RBCK1: variants seen among roughly 807,000 people sequenced by gnomAD.
The protein encoded by RBCK1 is RANBP2-type and C3HC4-type zinc finger containing 1.
In RBCK1, 44 loss-of-function variants were observed where a neutral mutation model predicts 71.1. The ratio of observed to expected loss-of-function variants is 0.62; its 90% CI spans 0.49 to 0.80. RBCK1 has a LOEUF of 0.80. Ranked by LOEUF, RBCK1 falls within the 30% of genes least tolerant of loss-of-function variation. RBCK1 has a pLI of 0.00. For missense variants in RBCK1, 569 were observed against 685.0 expected, an observed-to-expected ratio of 0.83 and a Z score of 1.89; for synonymous variants, 306 against 279.7, an observed-to-expected ratio of 1.09 and a Z score of -0.94.
In RBCK1 at chr20:428,180, A is replaced by AG. The variant is rs2016835401; in HGVS notation, c.1210-307dup. Among the ~76,000 whole-genome samples, 1 of 152,168 alleles carries AG rather than the reference A, an allele frequency of 6.6e-6. No homozygotes were observed. The highest frequency in any genetic ancestry group is 1.5e-5 in the Non-Finnish European group (1 of 68,014). On this transcript the variant is annotated intron_variant, in intron 9 of 11. Transcript: ENST00000356286. This position sits in a 1 kb window ranked among gnomAD's most constrained non-coding sequence, Gnocchi z 5.7. Reference sequence around the variant, plus strand: ...TGTTAGGGATGCAGGGTCTCACCCTAGGGGTATAAGGGATTTCTGTGCCCA... The same window carrying AG: ...TGTTAGGGATGCAGGGTCTCACCCTAGGGGGTATAAGGGATTTCTGTGCCCA...
chr20:429,109 G>A lies in RBCK1; in HGVS notation c.1452+15G>A, dbSNP rs569310074. ...GGGGCCCTGGGGTGAGTCTTTGCTCGTGGTGGTGTGGAGAGGGTGCCCTTG... is the reference window on the plus strand; with the variant it reads ...GGGGCCCTGGGGTGAGTCTTTGCTCATGGTGGTGTGGAGAGGGTGCCCTTG... On this transcript the variant is annotated intron_variant, in intron 11 of 11. Transcript: ENST00000356286. 9.5e-5 allele frequency: 152 copies of A among 1,604,806 alleles called. No homozygotes were observed. In the South Asian group the frequency reaches 1.1e-3, roughly 11 times the overall value.
chr20:422,226 G>A lies in RBCK1; in HGVS notation c.1017G>A (p.Arg339=), dbSNP rs2122282701. The change falls in exon 8 of 12, where the codon AGG becomes AGA. Residue 339 remains arginine (R), a synonymous_variant. Transcript: ENST00000356286. This position sits in a 1 kb window ranked among gnomAD's most constrained non-coding sequence, Gnocchi z 5.0. ...CGTGCTCGGGCAAGCTGCTGGAGAG[G>A]GAGATCAAGGCGGTAAGGCCTCAGG... The part of the protein sequence containing the change: ...TYSCSGKLLE[R]EIKALLTPED... The A allele has an allele frequency of 6.2e-7, 1 of 1,613,498 alleles. No individual in the cohort carries two copies. Among genetic ancestry groups the A allele is most frequent in the Non-Finnish European group, 8.5e-7 (1 of 1,179,898 alleles).
chr20:427,343 C>T lies in RBCK1; in HGVS notation c.1060C>T (p.Leu354=). The change falls in exon 9 of 12, where the codon CTA becomes TTA. Residue 354 remains leucine, a synonymous_variant. Coordinates refer to ENST00000356286, the MANE Select transcript of RBCK1 (RefSeq NM_031229.4). ...GACCCCTGAGGATTACCAGCGATTT[C>T]TAGACCTGGGCATCTCCATTGCTGA... ...LLTPEDYQRF[L]DLGISIAENR... 1 of 1,614,164 alleles carries T rather than the reference C, an allele frequency of 6.2e-7. No homozygotes were observed. Among genetic ancestry groups the T allele is most frequent in the Non-Finnish European group, 8.5e-7 (1 of 1,180,020 alleles).
chr20:411,969 G>A lies in RBCK1; in HGVS notation c.167+1944G>A, dbSNP rs1359283838. ...ACATTTGTGTCCAACTTTTTGTGTGGACACGTTTTCATTTCTCTTGGATAC... is the reference window on the plus strand; with the variant it reads ...ACATTTGTGTCCAACTTTTTGTGTGAACACGTTTTCATTTCTCTTGGATAC... On this transcript the variant is annotated intron_variant, in intron 2 of 11. Coordinates refer to ENST00000356286, the MANE Select transcript of RBCK1 (RefSeq NM_031229.4). Among the ~76,000 whole-genome samples the A allele has an allele frequency of 3.3e-5, 5 of 152,278 alleles. No homozygotes were observed. In the East Asian group the frequency reaches 7.7e-4, roughly 23 times the overall value.
In RBCK1 at chr20:417,649, G is replaced by A. The variant is rs540263731; in HGVS notation, c.261+30G>A. On this transcript the variant is annotated intron_variant, in intron 3 of 11. Transcript: ENST00000356286. This position sits in a 1 kb window ranked among gnomAD's most constrained non-coding sequence, Gnocchi z 4.7. ...GTGAGGAGGCGGAGGGCGACACTGG[G>A]GTGAAGGCTCTCCCTTTCACTCCTG... 5 of 1,607,610 alleles carry A rather than the reference G, an allele frequency of 3.1e-6. No homozygotes were observed. The highest frequency in any genetic ancestry group is 2.2e-5 in the East Asian group (1 of 44,694).
Position 420,955 on chromosome 20 carries a change from G to A in RBCK1, c.841G>A (p.Glu281Lys), listed in dbSNP as rs1273374922. ...CCTGGTGCTGAACACGGAGCCCGCC[G>A]AGTGCCCCGTGTGCTACTCGGTGCT... Reference protein sequence around the residue: ...RSLVLNTEPAECPVCYSVLAP... With the variant: ...RSLVLNTEPAKCPVCYSVLAP... The change falls in exon 7 of 12, where the codon GAG becomes AAG. Residue 281 changes from glutamate to lysine, a missense_variant. By Grantham distance (56) the Glu-to-Lys change is moderately conservative (BLOSUM62 1). Around this residue, in one of 2 missense-constraint regions of RBCK1, gnomAD observed 358 missense variants for 375.6 expected, o/e 0.95. Coordinates refer to ENST00000356286, the MANE Select transcript of RBCK1 (RefSeq NM_031229.4). 8 of 1,557,856 alleles carry A rather than the reference G, an allele frequency of 5.1e-6. No individual in the cohort carries two copies. Among genetic ancestry groups the A allele is most frequent in the South Asian group, 1.2e-5 (1 of 84,694 alleles).
intron 4 of RBCK1, 99 bp downstream of exon 4, chr20:418,029 G>T: frequency 1.6e-6 from 2 of 1,249,054 alleles, no homozygotes; most frequent in South Asian, 1.5e-5. Context: ...TTTTTAGTCA[G>T]GGACTCACCC....
chr20:419,343 A>G lies in RBCK1; in HGVS notation c.461-4A>G, dbSNP rs371854549. On this transcript the variant is annotated splice_polypyrimidine_tract_variant and splice_region_variant and intron_variant, in intron 4 of 11. Transcript: ENST00000356286. Reference sequence around the variant, plus strand: ...AACCACCACCCTTTAACCCTCCTCCACAGATCTGGGCTTCAAGGACCTCAC... The same window carrying G: ...AACCACCACCCTTTAACCCTCCTCCGCAGATCTGGGCTTCAAGGACCTCAC... 2.9e-5 allele frequency: 47 copies of G among 1,611,786 alleles called. No homozygotes were observed. In the African/African-American group the frequency reaches 5.7e-4, roughly 20 times the overall value.
At chr20:410,662 A>G (rs1374835797) in intron 2 of RBCK1, 2 of 708,860 alleles carry the variant, frequency 2.8e-6, no homozygotes, top group Non-Finnish European at 5.2e-6. Flanking sequence ...GAGAATGGAT[A>G]CTGTCGGTCT....
chr20:428,890 A>G lies in RBCK1; in HGVS notation c.1309-61A>G. 6.5e-7 allele frequency: 1 copy of G among 1,530,670 alleles called. No individual in the cohort carries two copies. Among genetic ancestry groups the G allele is most frequent in the Non-Finnish European group, 8.7e-7 (1 of 1,146,534 alleles). 94.8% of individuals were successfully genotyped at this position (1,530,670 alleles called of 1,614,324 possible). ...TCACCACCTTCTCCCTGCCATGGGG[A>G]GGGGCCAGGCTGGGTGACTGCCCCA... On this transcript the variant is annotated intron_variant, in intron 10 of 11. Coordinates refer to ENST00000356286, the MANE Select transcript of RBCK1 (RefSeq NM_031229.4). The surrounding 1 kb of genome is among the most constrained non-coding windows in gnomAD (Gnocchi z 5.7).
At chr20:423,650 C>T (rs2016558795) in intron 8 of RBCK1, among the ~76,000 whole-genome samples, 1 of 152,102 alleles carries the variant, frequency 6.6e-6, no homozygotes, top group Non-Finnish European at 1.5e-5. Flanking sequence ...TATGCAAATA[C>T]TGCACTATTT....
In RBCK1 at chr20:411,488, T is replaced by C. The variant is rs528042249; in HGVS notation, c.167+1463T>C. ...GTTCACGCCATTCTCCTGCCTCAGC[T>C]TCCCGAGTAGCTGGGACTACAGGCG... On this transcript the variant is annotated intron_variant, in intron 2 of 11. Transcript: ENST00000356286. Among the ~76,000 whole-genome samples the C allele has an allele frequency of 9.5e-4, 144 of 152,192 alleles. No individual in the cohort carries two copies. In the Middle Eastern group the frequency reaches 0.024, roughly 25 times the overall value.
In RBCK1 at chr20:419,336, C is replaced by T. The variant is rs1320170905; in HGVS notation, c.461-11C>T. ...CGCGTGGAACCACCACCCTTTAACC[C>T]TCCTCCACAGATCTGGGCTTCAAGG... On this transcript the variant is annotated splice_polypyrimidine_tract_variant and intron_variant, in intron 4 of 11. Transcript: ENST00000356286. The T allele has an allele frequency of 1.9e-6, 3 of 1,611,582 alleles. No homozygotes were observed. The highest frequency in any genetic ancestry group is 2.1e-4 in the Middle Eastern group (1 of 4,662).
At chr20:429,141 T>G in intron 11 of RBCK1, 47 bp downstream of exon 11, 5 of 1,574,490 alleles carry the variant, frequency 3.2e-6, no homozygotes, top group Non-Finnish European at 4.3e-6. Context: ...CTTGTGGGCT[T>G]TGCCTTAGAG....
Position 417,856 on chromosome 20 carries a change from A to T in RBCK1, c.386A>T (p.Tyr129Phe). The T allele has an allele frequency of 6.2e-7, 1 of 1,613,752 alleles. No homozygotes were observed. Among genetic ancestry groups the T allele is most frequent in the Non-Finnish European group, 8.5e-7 (1 of 1,179,990 alleles). ...VRQNGDSAYLYLLSARNTSLN... is the reference protein window; with the variant it reads ...VRQNGDSAYLFLLSARNTSLN... ...CAGAATGGGGACAGTGCCTACCTCTATCTGCTGTCAGCCCGCAACACCTCC... is the reference window on the plus strand; with the variant it reads ...CAGAATGGGGACAGTGCCTACCTCTTTCTGCTGTCAGCCCGCAACACCTCC... Residue 129 changes from tyrosine to phenylalanine, a missense_variant, in exon 4 of 12, where the codon TAT (tyrosine) becomes TTT (phenylalanine). Tyr to Phe is a conservative substitution (Grantham distance 22). Transcript: ENST00000356286. The surrounding 1 kb of genome is among the most constrained non-coding windows in gnomAD (Gnocchi z 4.7).
At chr20:429,957 C>G (rs955859593) in intron 11 of RBCK1, among the ~76,000 whole-genome samples, 4 of 152,206 alleles carry the variant, frequency 2.6e-5, no homozygotes, top group Non-Finnish European at 5.9e-5. Flanking sequence ...AAGAGAAGTG[C>G]TTAGAGAGCC....
At chr20:429,345 G>C (rs1349817860) in intron 11 of RBCK1, among the ~76,000 whole-genome samples, 1 of 151,740 alleles carries the variant, frequency 6.6e-6, no homozygotes, top group African/African-American at 2.4e-5. Context: ...TCCTGCCTCA[G>C]CCTCCCAAGT....
Position 419,599 on chromosome 20 carries a change from C to A in RBCK1, c.624C>A (p.Pro208=). 1 of 1,601,212 alleles carries A rather than the reference C, an allele frequency of 6.2e-7. No homozygotes were observed. Among genetic ancestry groups the A allele is most frequent in the Non-Finnish European group, 8.5e-7 (1 of 1,174,662 alleles). ...CCGGGTGCACCTTCATCAACAAGCC[C>A]ACGCGGCCTGGCTGTGAGATGTGCT... ...QCPGCTFINK[P]TRPGCEMCCR... is the part of the protein sequence containing the mutation. The change falls in exon 6 of 12, where the codon CCC becomes CCA. Residue 208 remains proline, a synonymous_variant. Coordinates refer to ENST00000356286, the MANE Select transcript of RBCK1 (RefSeq NM_031229.4).
At chr20:409,190 A>G (rs901717895) in intron 1 of RBCK1, among the ~76,000 whole-genome samples, 1 of 152,070 alleles carries the variant, frequency 6.6e-6, no homozygotes, top group Admixed American at 6.6e-5. Flanking sequence ...TCCAAACAAA[A>G]CCCAGAGGCC....
Sources: gnomAD v4.1 joint callset for allele counts (sites outside exome capture counted in the v4.1 genomes callset) on GRCh38, gnomAD v4.1.1 for gene constraint, gnomAD v4.1.1 regional missense constraint, Gnocchi (gnomAD v3.1) non-coding constraint, MANE v1.5 for transcripts, NCBI Gene and HGNC (gene_info 2026-07-23, HGNC 2026-07-21) for gene names.